NDUFS4: variants seen among roughly 807,000 people sequenced by gnomAD.
NDUFS4 encodes NADH:ubiquinone oxidoreductase subunit S4.
A neutral mutation model predicts 24.3 loss-of-function variants in NDUFS4; 28 were observed. The observed-to-expected ratio is 1.15, with a 90% CI of 0.85 to 1.58. NDUFS4 has a LOEUF of 1.58. NDUFS4 is among the 40% of genes most tolerant of loss of function. The pLI, the probability that NDUFS4 is intolerant of heterozygous loss-of-function variation, is 0.00. For missense variants in NDUFS4, 223 were observed against 207.9 expected, an observed-to-expected ratio of 1.07 and a Z score of -0.45; for synonymous variants, 93 against 69.7, an observed-to-expected ratio of 1.34 and a Z score of -1.67.
intron 4 of NDUFS4, among the ~76,000 whole-genome samples, chr5:53,660,709 G>A (rs1282001964): frequency 6.6e-6 from 1 of 152,120 alleles, no homozygotes; most frequent in Non-Finnish European, 1.5e-5. Flanking sequence ...GTGTGAGATA[G>A]TATCTCATTG....
intron 3 of NDUFS4, among the ~76,000 whole-genome samples, chr5:53,652,033 A>G (rs1752034116): frequency 6.6e-6 from 1 of 152,058 alleles, no homozygotes. Flanking sequence ...TAGGCCTCCC[A>G]AAGTGCTGGG....
intron 2 of NDUFS4, among the ~76,000 whole-genome samples, chr5:53,623,241 A>G (rs749161481): frequency 1.1e-4 from 16 of 152,234 alleles, no homozygotes; most frequent in Non-Finnish European, 4.4e-5. Flanking sequence ...ACAGCAATAC[A>G]CAAAGGTTCC....
chr5:53,571,985 A>G (rs1749224240), intron 1 of NDUFS4, among the ~76,000 whole-genome samples: 1 of 152,222 alleles, frequency 6.6e-6, no homozygotes, highest in Non-Finnish European at 1.5e-5. Context: ...AGCCCCCTAC[A>G]ACTAAAGACA....
chr5:53,659,426 G>A (rs1259242212), intron 4 of NDUFS4, among the ~76,000 whole-genome samples: 9 of 152,108 alleles, frequency 5.9e-5, no homozygotes, highest in Non-Finnish European at 1.0e-4. Flanking sequence ...TGAAATAAGG[G>A]TACCTACCTC....
At chr5:53,620,714 G>A (rs1326604118) in intron 2 of NDUFS4, among the ~76,000 whole-genome samples, 1 of 152,086 alleles carries the variant, frequency 6.6e-6, no homozygotes, top group African/African-American at 2.4e-5. Flanking sequence ...ACAATGCAAG[G>A]TAAACATCAT....
intron 3 of NDUFS4, among the ~76,000 whole-genome samples, chr5:53,656,321 C>G (rs888712196): frequency 6.6e-6 from 1 of 151,426 alleles, no homozygotes. Context: ...CTGCCATTAC[C>G]CAAATTGGAA....
intron 2 of NDUFS4, among the ~76,000 whole-genome samples, chr5:53,635,841 G>T (rs1751536301): frequency 6.6e-6 from 1 of 151,808 alleles, no homozygotes; most frequent in Non-Finnish European, 1.5e-5. Context: ...TTCTTATTTG[G>T]GGGAAAAATT....
At chr5:53,587,018 T>G (rs996736863) in intron 1 of NDUFS4, among the ~76,000 whole-genome samples, 2 of 152,024 alleles carry the variant, frequency 1.3e-5, no homozygotes, top group Admixed American at 6.6e-5. Context: ...GAGACGGGGT[T>G]TCACCATGTT....
chr5:53,668,136 C>T (rs1444966331), intron 4 of NDUFS4, among the ~76,000 whole-genome samples: 4 of 152,126 alleles, frequency 2.6e-5, no homozygotes, highest in African/African-American at 9.7e-5. Flanking sequence ...TTATGTATCA[C>T]TTATCAAATT....
intron 1 of NDUFS4, among the ~76,000 whole-genome samples, chr5:53,586,600 G>A (rs1181282648): frequency 3.9e-5 from 6 of 152,096 alleles, no homozygotes; most frequent in Non-Finnish European, 8.8e-5. Flanking sequence ...TTGGCTCACT[G>A]CAAGCTCCGC....
intron 2 of NDUFS4, among the ~76,000 whole-genome samples, chr5:53,608,414 C>T (rs1192982942): frequency 6.6e-6 from 1 of 152,164 alleles, no homozygotes; most frequent in Non-Finnish European, 1.5e-5. Context: ...TGAAAAATTT[C>T]TCTGTAGCAT....
chr5:53,655,630 T>C (rs1357514231), intron 3 of NDUFS4, among the ~76,000 whole-genome samples: 3 of 152,284 alleles, frequency 2.0e-5, no homozygotes, highest in South Asian at 4.1e-4. Flanking sequence ...ACAATTAATA[T>C]AGAGATAACA....
chr5:53,560,875 T>G, intron 1 of NDUFS4, 115 bp downstream of exon 1: 3 of 1,564,036 alleles, frequency 1.9e-6, no homozygotes, highest in Middle Eastern at 4.3e-4. Context: ...GTTGACCCTT[T>G]TCTCGGGAGA....
chr5:53,590,696 A>G (rs1749923137), intron 1 of NDUFS4, among the ~76,000 whole-genome samples: 1 of 152,124 alleles, frequency 6.6e-6, no homozygotes. Flanking sequence ...AAACTTTTGC[A>G]TATGTGTCTT....
intron 2 of NDUFS4, among the ~76,000 whole-genome samples, chr5:53,629,706 C>T (rs531132731): frequency 7.2e-5 from 11 of 152,026 alleles, no homozygotes; most frequent in Non-Finnish European, 1.5e-4. Context: ...TGTAACCCCT[C>T]CTTTTTTTTT....
In NDUFS4 at chr5:53,665,106, T is replaced by C. The variant is rs183368136; in HGVS notation, c.424+6482T>C. On this transcript the variant is annotated intron_variant, in intron 4 of 4. Coordinates refer to ENST00000296684, the MANE Select transcript of NDUFS4 (RefSeq NM_002495.4). ...GCTGGAGGTCCACTCCAGACCCTATTTGCCTGGGTATCAGCAGCGGAGGCT... is the reference window on the plus strand; with the variant it reads ...GCTGGAGGTCCACTCCAGACCCTATCTGCCTGGGTATCAGCAGCGGAGGCT... Among the ~76,000 whole-genome samples, 10 of 152,322 alleles carry C rather than the reference T, an allele frequency of 6.6e-5. No homozygotes were observed. In the East Asian group the frequency reaches 1.9e-3, roughly 29 times the overall value.
intron 4 of NDUFS4, among the ~76,000 whole-genome samples, chr5:53,659,364 T>C (rs1292597112): frequency 6.6e-6 from 1 of 152,198 alleles, no homozygotes; most frequent in Admixed American, 6.5e-5. Context: ...TATGCCACTT[T>C]GAAGCTATAT....
chr5:53,640,973 A>C (rs1226843142), intron 2 of NDUFS4, among the ~76,000 whole-genome samples: 1 of 152,054 alleles, frequency 6.6e-6, no homozygotes, highest in Non-Finnish European at 1.5e-5. Context: ...CTTCCCTGAG[A>C]GCTGGTGTGG....
intron 2 of NDUFS4, among the ~76,000 whole-genome samples, chr5:53,614,126 A>G (rs1201991928): frequency 6.6e-6 from 1 of 151,692 alleles, no homozygotes; most frequent in Non-Finnish European, 1.5e-5. Flanking sequence ...AATTTTTTCT[A>G]CTCTCCTTGA....
Sources: allele counts gnomAD v4.1 joint callset (sites outside exome capture counted in the v4.1 genomes callset), GRCh38; gene constraint gnomAD v4.1.1; transcripts MANE v1.5; gene names NCBI Gene and HGNC (gene_info 2026-07-23, HGNC 2026-07-21).